CNTRL: variants seen among roughly 807,000 people sequenced by gnomAD.
The protein encoded by CNTRL is centriolin.
A neutral mutation model predicts 303.7 loss-of-function variants in CNTRL; 233 were observed. The observed-to-expected ratio is 0.77, with a 90% CI of 0.69 to 0.86. CNTRL has a LOEUF of 0.86. CNTRL is among the 40% of genes least tolerant of loss of function. CNTRL has a pLI of 0.00. For missense variants in CNTRL, 2,524 were observed against 2,650.6 expected (o/e 0.95, Z 1.05); for synonymous variants, 900 against 922.2 (o/e 0.98, Z 0.44).
At chr9:121,087,238 T>C (rs887308595) in intron 2 of CNTRL, among the ~76,000 whole-genome samples, 3 of 152,118 alleles carry the variant, frequency 2.0e-5, no homozygotes, top group African/African-American at 7.2e-5. Context: ...CAGCGAGCAG[T>C]GTTCAGTATT....
intron 11 of CNTRL, among the ~76,000 whole-genome samples, chr9:121,117,854 C>T (rs2050050329): frequency 6.6e-6 from 1 of 151,866 alleles, no homozygotes; most frequent in Non-Finnish European, 1.5e-5. Context: ...TAGTGGGCGC[C>T]TATAGTCCCA....
chr9:121,161,518 T>A (rs2052853837), intron 32 of CNTRL: 3 of 328,714 alleles, frequency 9.1e-6, no homozygotes, highest in Non-Finnish European at 1.6e-5. Flanking sequence ...TTTGTCTGTT[T>A]ATTTATTTAT....
chr9:121,076,777 A>T (rs1465419684), intron 1 of CNTRL, among the ~76,000 whole-genome samples: 2 of 152,152 alleles, frequency 1.3e-5, no homozygotes, highest in African/African-American at 4.8e-5. Context: ...GAGACTTTGC[A>T]GAGGAATCGG....
In CNTRL at chr9:121,163,326, A is replaced by AT. The variant is rs1355979238; in HGVS notation, c.5423+1055_5423+1056insT. On this transcript the variant is annotated intron_variant, in intron 34 of 43. Transcript: ENST00000373855. ...CAGAGTGAGACCCTGTTTCAAAAAAAAAATATATATATATATACATATTTA... is the reference window on the plus strand; with the variant it reads ...CAGAGTGAGACCCTGTTTCAAAAAAATAAATATATATATATATACATATTTA... 6.6e-3 allele frequency among the ~76,000 whole-genome samples: 905 copies of AT among 136,892 alleles called. 7 individuals are homozygous for AT. The highest frequency in any genetic ancestry group is 0.02 in the African/African-American group (781 of 38,836). The allele number at this position is 136,892 out of a possible 152,430, so 89.8% of individuals were successfully genotyped here.
chr9:121,094,234 C>A (rs10985152), intron 4 of CNTRL, among the ~76,000 whole-genome samples: 11 of 151,384 alleles, frequency 7.3e-5, no homozygotes, highest in Non-Finnish European at 1.3e-4. Flanking sequence ...GTAAAGATTT[C>A]TTTGGCTCAC....
chr9:121,109,229 ATAAT>A (rs1293882712), intron 8 of CNTRL, among the ~76,000 whole-genome samples: 13 of 152,192 alleles, frequency 8.5e-5, no homozygotes, highest in Non-Finnish European at 1.5e-4. Context: ...TTAGGAAATA[ATAAT>A]TAAGAAAAAA....
chr9:121,078,783 C>T (rs1406798614), intron 1 of CNTRL, among the ~76,000 whole-genome samples: 1 of 152,202 alleles, frequency 6.6e-6, no homozygotes, highest in Non-Finnish European at 1.5e-5. Flanking sequence ...CTTACATTTA[C>T]TGGTTTATTA....
intron 22 of CNTRL, 85 bp from the exon 23 acceptor site, chr9:121,146,023 T>G (rs1386350149): frequency 2.4e-6 from 3 of 1,245,806 alleles, no homozygotes; most frequent in Non-Finnish European, 3.3e-6. Flanking sequence ...ATAAAATTAA[T>G]TGGCTCTCTT....
chr9:121,166,068 G>T (rs201902847), intron 35 of CNTRL, 39 bp from the exon 36 acceptor site: 196 of 1,421,348 alleles, frequency 1.4e-4, no homozygotes, highest in African/African-American at 1.4e-3. Context: ...CAGTAAATAC[G>T]TATGTATTTC....
chr9:121,107,052 A>T (rs2049509405), intron 7 of CNTRL, among the ~76,000 whole-genome samples: 1 of 152,104 alleles, frequency 6.6e-6, no homozygotes, highest in African/African-American at 2.4e-5. Context: ...ATCACATTTT[A>T]CTACTCCCTG....
chr9:121,140,645 A>T lies in CNTRL; in HGVS notation c.2342A>T (p.Asp781Val), dbSNP rs746875963. 6.2e-7 allele frequency: 1 copy of T among 1,608,672 alleles called. No individual in the cohort carries two copies. The highest frequency in any genetic ancestry group is 1.1e-5 in the South Asian group (1 of 90,262). ...LHAKLKHLQD[D>V]NNLLKQQLKD... ...CTATTTCATCCCCCTCCATAGGATGACAATAATCTGTTAAAACAGCAACTT... is the reference window on the plus strand; with the variant it reads ...CTATTTCATCCCCCTCCATAGGATGTCAATAATCTGTTAAAACAGCAACTT... The change falls in exon 17 of 44, where the codon GAC becomes GTC. Residue 781 changes from aspartate (D) to valine (V), a missense_variant. By Grantham distance (152) the Asp-to-Val change is radical. Transcript: ENST00000373855.
intron 22 of CNTRL, among the ~76,000 whole-genome samples, chr9:121,145,617 G>A (rs775093437): frequency 1.3e-5 from 2 of 152,166 alleles, no homozygotes; most frequent in Non-Finnish European, 2.9e-5. Context: ...ATTTGTGGGC[G>A]AGCACAGTGG....
In CNTRL at chr9:121,169,713, T is replaced by C. The variant is rs1430371453; in HGVS notation, c.6173T>C (p.Leu2058Pro). ...ADSMRADFSL[L>P]RNQFLTERKK... ...TCTATGAGGGCAGACTTCAGCCTTC[T>C]GCGGAACCAGTTCTTGACAGAAAGA... The change falls in exon 39 of 44, where the codon CTG becomes CCG. Residue 2058 changes from leucine (L) to proline (P), a missense_variant. Physicochemically the swap from Leu to Pro is moderately conservative, Grantham distance 98. Coordinates refer to ENST00000373855, the MANE Select transcript of CNTRL (RefSeq NM_007018.6). 3.1e-6 allele frequency: 5 copies of C among 1,614,206 alleles called. No homozygotes were observed. The highest frequency in any genetic ancestry group is 2.2e-5 in the East Asian group (1 of 44,890).
intron 2 of CNTRL, among the ~76,000 whole-genome samples, chr9:121,087,277 G>A (rs996882494): frequency 6.6e-6 from 1 of 152,202 alleles, no homozygotes; most frequent in African/African-American, 2.4e-5. Context: ...GAAAAGGAGA[G>A]TGAGAGGAGG....
At chr9:121,095,743 AT>A (rs1208987807) in intron 5 of CNTRL, among the ~76,000 whole-genome samples, 5 of 152,186 alleles carry the variant, frequency 3.3e-5, no homozygotes, top group African/African-American at 1.2e-4. Flanking sequence ...TGATGAAAAT[AT>A]TTTCAGCAAA....
chr9:121,100,392 A>G (rs535798967), intron 7 of CNTRL, among the ~76,000 whole-genome samples: 386 of 152,344 alleles, frequency 2.5e-3, no homozygotes, highest in African/African-American at 9.0e-3. Flanking sequence ...CTGCCTTACA[A>G]GAGCTCCTGA....
At chr9:121,098,263 T>C (rs2048976818) in intron 6 of CNTRL, 123 bp from the exon 7 acceptor site, 1 of 693,490 alleles carries the variant, frequency 1.4e-6, no homozygotes, top group South Asian at 1.9e-5. Context: ...ACCACTACTT[T>C]TGGGTAATTG....
intron 2 of CNTRL, among the ~76,000 whole-genome samples, chr9:121,085,119 G>T (rs1390802963): frequency 2.0e-5 from 3 of 152,124 alleles, no homozygotes; most frequent in Non-Finnish European, 4.4e-5. Flanking sequence ...AATATGAATG[G>T]ATTTCAGAAA....
chr9:121,137,028 G>GA (rs1423081877), intron 15 of CNTRL, among the ~76,000 whole-genome samples: 2 of 152,184 alleles, frequency 1.3e-5, no homozygotes, highest in African/African-American at 4.8e-5. Context: ...GAGAGGTGAG[G>GA]AGAGAGAGCA....
Sources: gnomAD v4.1 joint callset for allele counts (sites outside exome capture counted in the v4.1 genomes callset) on GRCh38, gnomAD v4.1.1 for gene constraint, MANE v1.5 for transcripts, NCBI Gene and HGNC (gene_info 2026-07-23, HGNC 2026-07-21) for gene names.